ACACA: variants seen among roughly 807,000 people sequenced by gnomAD.
The protein encoded by ACACA is acetyl-CoA carboxylase 1.
Under a neutral mutation model 296.1 loss-of-function variants are expected in ACACA, and 103 were observed. The ratio of observed to expected loss-of-function variants is 0.35; its 90% CI spans 0.30 to 0.41. The LOEUF (loss-of-function observed/expected upper bound fraction) is 0.41. Among genes scored for constraint, ACACA ranks in the 10% least tolerant of loss-of-function variants. ACACA has a pLI of 1.00. For synonymous variants in ACACA, 953 were observed against 1,038.6 expected (o/e 0.92, Z 1.58); for missense variants, 1,554 against 2,989.7 (o/e 0.52, Z 11.20).
chr17:37,291,080 CAA>C (rs57643200), intron 3 of ACACA, among the ~76,000 whole-genome samples: 8 of 85,178 alleles, frequency 9.4e-5, no homozygotes, highest in African/African-American at 1.3e-4. Context: ...GACTCTGTCT[CAA>C]AAAAAAAAAA....
intron 1 of ACACA, among the ~76,000 whole-genome samples, chr17:37,368,033 C>T (rs562505025): frequency 6.6e-6 from 1 of 152,324 alleles, no homozygotes; most frequent in South Asian, 2.1e-4. Context: ...CACCACTGCA[C>T]TCCAGCCTGG....
intron 52 of ACACA, among the ~76,000 whole-genome samples, chr17:37,106,188 A>G (rs955186023): frequency 6.6e-6 from 1 of 152,180 alleles, no homozygotes; most frequent in Non-Finnish European, 1.5e-5. Flanking sequence ...TTCTATATCC[A>G]TAACAGGTGT....
At chr17:37,310,629 A>T (rs1415031498) in intron 3 of ACACA, among the ~76,000 whole-genome samples, 1 of 151,860 alleles carries the variant, frequency 6.6e-6, no homozygotes, top group Non-Finnish European at 1.5e-5. Flanking sequence ...CCCTGTCTCT[A>T]CTAAAAATAC....
At chr17:37,334,642 A>G (rs1421113710) in intron 2 of ACACA, among the ~76,000 whole-genome samples, 1 of 152,074 alleles carries the variant, frequency 6.6e-6, no homozygotes, top group Non-Finnish European at 1.5e-5. Flanking sequence ...AACCAGGGGG[A>G]AAGTAACTAA....
chr17:37,263,457 C>T (rs1158519031), intron 11 of ACACA, among the ~76,000 whole-genome samples: 1 of 152,080 alleles, frequency 6.6e-6, no homozygotes, highest in Admixed American at 6.6e-5. Context: ...TGAAATGGTA[C>T]GCTGATTTTT....
chr17:37,231,294 T>C (rs991731771), intron 25 of ACACA, among the ~76,000 whole-genome samples: 4 of 151,826 alleles, frequency 2.6e-5, no homozygotes, highest in African/African-American at 7.3e-5. Context: ...CAACTTGATC[T>C]TAGAAGGCAA....
intron 1 of ACACA, among the ~76,000 whole-genome samples, chr17:37,343,275 G>T (rs2048469063): frequency 6.6e-6 from 1 of 152,050 alleles, no homozygotes. Flanking sequence ...ACTGTGGCCG[G>T]CCCAGAGATA....
chr17:37,308,268 A>G (rs1441976788), intron 3 of ACACA, among the ~76,000 whole-genome samples: 1 of 152,224 alleles, frequency 6.6e-6, no homozygotes, highest in African/African-American at 2.4e-5. Context: ...TTGAATAATA[A>G]TGAAAATGTA....
chr17:37,372,668 C>A (rs947240976), intron 1 of ACACA, among the ~76,000 whole-genome samples: 2 of 152,114 alleles, frequency 1.3e-5, no homozygotes, highest in South Asian at 4.2e-4. Flanking sequence ...TCTCTTCCAA[C>A]GCCATATCTC....
chr17:37,264,624 A>G (rs926509330), intron 10 of ACACA, among the ~76,000 whole-genome samples: 1 of 152,028 alleles, frequency 6.6e-6, no homozygotes, highest in African/African-American at 2.4e-5. Flanking sequence ...GGTATCTTTT[A>G]TCTGTTCAAA....
At chr17:37,191,494 G>C (rs2077748624) in intron 37 of ACACA, among the ~76,000 whole-genome samples, 1 of 152,140 alleles carries the variant, frequency 6.6e-6, no homozygotes, top group Non-Finnish European at 1.5e-5. Context: ...CTTACTTTTA[G>C]TGCATCATTC....
At chr17:37,265,294 A>C (rs913663563) in intron 10 of ACACA, among the ~76,000 whole-genome samples, 1 of 152,168 alleles carries the variant, frequency 6.6e-6, no homozygotes, top group African/African-American at 2.4e-5. Flanking sequence ...TATTGTCGCC[A>C]TCTCTTGCAA....
At chr17:37,305,904 G>GTTTTTTTTTTTTTTTTTTTTTTTTTT in intron 3 of ACACA, among the ~76,000 whole-genome samples, 1 of 95,808 alleles carries the variant, frequency 1.0e-5, no homozygotes, top group Non-Finnish European at 2.2e-5. Flanking sequence ...TTTTTTTTTT[G>GTTTTTTTTTTTTTTTTTTTTTTTTTT]TTTTTTTTTT....
chr17:37,323,867 T>C (rs2047465087), intron 3 of ACACA, among the ~76,000 whole-genome samples: 1 of 152,172 alleles, frequency 6.6e-6, no homozygotes, highest in Non-Finnish European at 1.5e-5. Flanking sequence ...TGACATCCCA[T>C]AGGAGCAGAG....
intron 1 of ACACA, among the ~76,000 whole-genome samples, chr17:37,351,039 C>A (rs1312093191): frequency 6.6e-6 from 1 of 152,210 alleles, no homozygotes; most frequent in East Asian, 1.9e-4. Flanking sequence ...ACTCGGGAAC[C>A]TGAGGCAGGA....
At chr17:37,210,384 T>C (rs2078692724) in intron 30 of ACACA, 83 bp downstream of exon 30, 3 of 1,259,778 alleles carry the variant, frequency 2.4e-6, no homozygotes, top group African/African-American at 1.5e-5. Context: ...TTGTCAAGTG[T>C]TGTGGTTTTT....
intron 1 of ACACA, among the ~76,000 whole-genome samples, chr17:37,361,413 T>C (rs1311828213): frequency 6.6e-6 from 1 of 152,072 alleles, no homozygotes; most frequent in Non-Finnish European, 1.5e-5. Context: ...TCAAAAACTG[T>C]CCTTATGTGA....
At chr17:37,343,512 A>G (rs1227803802) in intron 1 of ACACA, among the ~76,000 whole-genome samples, 1 of 151,642 alleles carries the variant, frequency 6.6e-6, no homozygotes. Flanking sequence ...CATGCCTGTA[A>G]TCCCAGCACT....
intron 3 of ACACA, among the ~76,000 whole-genome samples, chr17:37,303,479 A>G (rs2083727154): frequency 6.6e-6 from 1 of 152,190 alleles, no homozygotes; most frequent in African/African-American, 2.4e-5. Flanking sequence ...ATGTGGACAT[A>G]TGCTTTCCTT....
Sources: gnomAD v4.1 joint callset for allele counts (sites outside exome capture counted in the v4.1 genomes callset) on GRCh38, gnomAD v4.1.1 for gene constraint, MANE v1.5 for transcripts, NCBI Gene and HGNC (gene_info 2026-07-23, HGNC 2026-07-21) for gene names.